Variants in MEIS2 observed in about 807,000 individuals in gnomAD.
MEIS2 encodes the protein Meis homeobox 2, also known as homeobox protein Meis2.
In MEIS2, 9 loss-of-function variants were observed where a neutral mutation model predicts 58.6. That is an observed-to-expected ratio of 0.15 (90% CI 0.09 to 0.27). The LOEUF is 0.27. Among genes scored for constraint, MEIS2 ranks in the 10% least tolerant of loss-of-function variants. The pLI, the probability that MEIS2 is intolerant of heterozygous loss-of-function variation, is 1.00. For missense variants in MEIS2, 427 were observed against 635.0 expected (o/e 0.67, Z 3.52); for synonymous variants, 221 against 228.4 (o/e 0.97, Z 0.29).
At chr15:36,912,650 C>T (rs781326131) in intron 9 of MEIS2, among the ~76,000 whole-genome samples, 9 of 151,996 alleles carry the variant, frequency 5.9e-5, no homozygotes, top group East Asian at 1.9e-4. Context: ...TGCAATGAGG[C>T]GACATCAAAG....
chr15:36,995,742 AAAAG>A (rs138753356), intron 8 of MEIS2, among the ~76,000 whole-genome samples: 29,654 of 61,824 alleles, frequency 0.48, 8,195 homozygotes, highest in Middle Eastern at 0.65. Flanking sequence ...CAAAGAAAAG[AAAAG>A]AAAGAAAGAA....
intron 7 of MEIS2, among the ~76,000 whole-genome samples, chr15:37,083,501 A>T (rs763565387): frequency 2.6e-5 from 4 of 152,230 alleles, no homozygotes; most frequent in Non-Finnish European, 5.9e-5. Context: ...ACAGAAATAA[A>T]GTGTAGATAA....
intron 8 of MEIS2, among the ~76,000 whole-genome samples, chr15:36,969,550 T>A (rs2059462989): frequency 6.6e-6 from 1 of 152,222 alleles, no homozygotes; most frequent in African/African-American, 2.4e-5. Flanking sequence ...AGAACAAACT[T>A]ATACATACAT....
intron 8 of MEIS2, among the ~76,000 whole-genome samples, chr15:37,029,296 T>C (rs1233968939): frequency 6.6e-6 from 1 of 152,140 alleles, no homozygotes; most frequent in Non-Finnish European, 1.5e-5. Flanking sequence ...CATGTGAACA[T>C]TTGCAGCTCT....
chr15:36,951,766 C>T (rs780973329), intron 8 of MEIS2, among the ~76,000 whole-genome samples: 5 of 152,084 alleles, frequency 3.3e-5, no homozygotes, highest in African/African-American at 7.2e-5. Context: ...TTTCTGATTG[C>T]GAGGTGTTGA....
chr15:37,038,339 ACTTGC>A (rs1020551396), intron 7 of MEIS2, among the ~76,000 whole-genome samples: 6 of 152,220 alleles, frequency 3.9e-5, no homozygotes, highest in Admixed American at 1.3e-4. Context: ...CCACTGGGCC[ACTTGC>A]CTTCTAACTT....
At chr15:37,095,752 C>G in intron 3 of MEIS2, 138 bp from the exon 4 acceptor site, 1 of 1,254,814 alleles carries the variant, frequency 8.0e-7, no homozygotes, top group South Asian at 1.3e-5. Context: ...GAAACTGGTG[C>G]CTTAAATTAG....
At chr15:37,099,209 G>C in intron 1 of MEIS2, 1 of 1,413,644 alleles carries the variant, frequency 7.1e-7, no homozygotes, top group South Asian at 1.6e-5. Context: ...CTCGCCGCCC[G>C]CCCGCTCGCA....
At chr15:36,905,193 T>G (rs2056670584) in intron 9 of MEIS2, among the ~76,000 whole-genome samples, 1 of 151,496 alleles carries the variant, frequency 6.6e-6, no homozygotes, top group Non-Finnish European at 1.5e-5. Context: ...CACACATACA[T>G]ACAGACAGAG....
At chr15:37,037,441 C>G (rs892274705) in intron 7 of MEIS2, among the ~76,000 whole-genome samples, 3 of 152,154 alleles carry the variant, frequency 2.0e-5, no homozygotes, top group African/African-American at 7.2e-5. Context: ...GCTGTCACCT[C>G]CTAAGCACGC....
chr15:36,943,143 A>C (rs868759358), intron 9 of MEIS2, among the ~76,000 whole-genome samples: 28 of 152,170 alleles, frequency 1.8e-4, no homozygotes, highest in African/African-American at 6.3e-4. Context: ...GCAATGAGTT[A>C]TCTTCAACTT....
intron 8 of MEIS2, among the ~76,000 whole-genome samples, chr15:36,962,220 C>T (rs993172586): frequency 4.6e-5 from 7 of 152,174 alleles, no homozygotes; most frequent in African/African-American, 1.4e-4. Context: ...GTGGCTTTCG[C>T]AGAAGAACTT....
At chr15:36,938,156 C>T (rs182827739) in intron 9 of MEIS2, among the ~76,000 whole-genome samples, 9 of 152,204 alleles carry the variant, frequency 5.9e-5, no homozygotes, top group East Asian at 3.9e-4. Flanking sequence ...TTTGCCCCTG[C>T]GACCCAAGCT....
intron 7 of MEIS2, among the ~76,000 whole-genome samples, chr15:37,055,285 T>A (rs570006812): frequency 6.6e-6 from 1 of 152,292 alleles, no homozygotes; most frequent in South Asian, 2.1e-4. Context: ...AACGTAAGCA[T>A]CCTGGGGACA....
At chr15:37,043,821 A>G (rs1010928559) in intron 7 of MEIS2, among the ~76,000 whole-genome samples, 14 of 151,536 alleles carry the variant, frequency 9.2e-5, no homozygotes, top group South Asian at 4.2e-4. Flanking sequence ...CCGAGTAGCT[A>G]GGATTACAGG....
chr15:37,041,556 A>G (rs1211095467), intron 7 of MEIS2, among the ~76,000 whole-genome samples: 1 of 152,184 alleles, frequency 6.6e-6, no homozygotes, highest in Non-Finnish European at 1.5e-5. Flanking sequence ...GCATACACCT[A>G]CTTAAAAGAG....
intron 9 of MEIS2, chr15:36,898,255 T>A (rs1167954466): frequency 1.3e-5 from 2 of 152,102 alleles, no homozygotes. Flanking sequence ...GCATCCCTCC[T>A]CCAATCAGAA....
intron 8 of MEIS2, among the ~76,000 whole-genome samples, chr15:36,998,236 GTTTTTTTTTT>G (rs5811954): frequency 1.5e-5 from 1 of 66,754 alleles, no homozygotes; most frequent in Admixed American, 2.0e-4. Flanking sequence ...AAAACACAAA[GTTTTTTTTTT>G]TTTTTTTTTT....
chr15:36,904,724 A>C (rs1186987687), intron 9 of MEIS2, among the ~76,000 whole-genome samples: 1 of 152,098 alleles, frequency 6.6e-6, no homozygotes, highest in East Asian at 1.9e-4. Flanking sequence ...AGCTGGGTAA[A>C]CGTCCAGAAA....
Sources: gnomAD v4.1 joint callset for allele counts (sites outside exome capture counted in the v4.1 genomes callset) on GRCh38, gnomAD v4.1.1 for gene constraint, MANE v1.5 for transcripts, NCBI Gene and HGNC (gene_info 2026-07-23, HGNC 2026-07-21) for gene names.